The following POPDC3 variants were observed in gnomAD, a reference collection of about 807,000 sequenced individuals.
POPDC3 encodes popeye domain cAMP effector 3, also known as popeye domain-containing protein 3.
POPDC3 carries 20 observed loss-of-function variants against 28.2 expected under a neutral mutation model. The observed-to-expected ratio is 0.71, with a 90% confidence interval of 0.50 to 1.03. The LOEUF is 1.03. Ranked by LOEUF, POPDC3 falls within the 50% of genes least tolerant of loss-of-function variation. The pLI is 0.00. For synonymous variants in POPDC3, 118 were observed against 124.1 expected, an observed-to-expected ratio of 0.95 and a Z score of 0.33; for missense variants, 316 against 345.9, an observed-to-expected ratio of 0.91 and a Z score of 0.69.
chr6:105,176,167 T>A (rs1262551074), intron 1 of POPDC3, among the ~76,000 whole-genome samples: 1 of 152,240 alleles, frequency 6.6e-6, no homozygotes. Context: ...AGAAAAACTT[T>A]AGATAAATTC....
intron 1 of POPDC3, among the ~76,000 whole-genome samples, chr6:105,172,478 C>A (rs990029959): frequency 1.3e-5 from 2 of 150,624 alleles, no homozygotes; most frequent in Non-Finnish European, 3.0e-5. Context: ...GTCAGTGTGG[C>A]GATTCCTCAG....
chr6:105,161,504 CCACTT>C lies in POPDC3; in HGVS notation c.401_405del (p.Glu134GlyfsTer18), dbSNP rs1467836268. 3.1e-6 allele frequency: 5 copies of C among 1,614,038 alleles called. No homozygotes were observed. The highest frequency in any genetic ancestry group is 1.7e-5 in the Admixed American group (1 of 59,994). ...TAACAGTGTTCCTTTTCCAAAGTAA[CCACTT>C]CAGAGCTCAAAGCAATCGTTCTGAA... On this transcript the variant is annotated frameshift_variant, in exon 2 of 4. Transcript: ENST00000254765. LOFTEE classifies it high-confidence loss of function.
intron 1 of POPDC3, chr6:105,169,290 T>C (rs1281532749): frequency 1.3e-5 from 2 of 152,172 alleles, no homozygotes; most frequent in Non-Finnish European, 2.9e-5. Context: ...AATCATTCCT[T>C]GATAGAACCT....
At chr6:105,179,367 C>A (rs1459216198) in intron 1 of POPDC3, among the ~76,000 whole-genome samples, 2 of 152,106 alleles carry the variant, frequency 1.3e-5, no homozygotes, top group Non-Finnish European at 2.9e-5. Context: ...AAGGAAACTC[C>A]CGGCGCTGGC....
chr6:105,174,307 AG>A, intron 1 of POPDC3, among the ~76,000 whole-genome samples: 1 of 152,294 alleles, frequency 6.6e-6, no homozygotes, highest in South Asian at 2.1e-4. Context: ...CCAAAGTGCT[AG>A]AATTACAGGC....
At chr6:105,166,774 A>G (rs1039612325) in intron 1 of POPDC3, 2 of 339,418 alleles carry the variant, frequency 5.9e-6, no homozygotes, top group Non-Finnish European at 1.2e-5. Context: ...CATACTGACC[A>G]TTATGTATAT....
intron 2 of POPDC3, 101 bp downstream of exon 2, chr6:105,161,324 G>T: frequency 7.4e-7 from 1 of 1,347,602 alleles, no homozygotes; most frequent in East Asian, 2.3e-5. Flanking sequence ...GGTGCTAAAT[G>T]CCACCCAGGA....
At chr6:105,176,704 A>C (rs1331908665) in intron 1 of POPDC3, among the ~76,000 whole-genome samples, 1 of 151,852 alleles carries the variant, frequency 6.6e-6, no homozygotes, top group Non-Finnish European at 1.5e-5. Flanking sequence ...CTGCAGGCGC[A>C]CGCAACCACG....
At chr6:105,164,411 G>A (rs1395831630) in intron 1 of POPDC3, among the ~76,000 whole-genome samples, 2 of 152,228 alleles carry the variant, frequency 1.3e-5, no homozygotes, top group South Asian at 2.1e-4. Flanking sequence ...AATCTACTTC[G>A]TTTCATTCAG....
chr6:105,179,810 C>T, intron 1 of POPDC3, 23 bp downstream of exon 1: 1 of 152,308 alleles, frequency 6.6e-6, no homozygotes, highest in Non-Finnish European at 1.5e-5. Flanking sequence ...GCGGACGCAG[C>T]GCCCCCGGGC....
intron 1 of POPDC3, among the ~76,000 whole-genome samples, chr6:105,178,424 C>T (rs1774719556): frequency 6.6e-6 from 1 of 152,124 alleles, no homozygotes; most frequent in Admixed American, 6.5e-5. Flanking sequence ...GCAGAAGATG[C>T]ACCATGATTC....
At chr6:105,176,706 G>A (rs932701820) in intron 1 of POPDC3, among the ~76,000 whole-genome samples, 29 of 152,062 alleles carry the variant, frequency 1.9e-4, no homozygotes, top group African/African-American at 6.0e-4. Context: ...GCAGGCGCAC[G>A]CAACCACGCC....
rs1361751767 is a variant in POPDC3 at position 105,157,940 on chromosome 6, C to T, written c.*530G>A. On this transcript the variant is annotated 3_prime_UTR_variant, in exon 4 of 4. Transcript: ENST00000254765. The stretch of plus-strand genomic sequence containing the variant: ...ATTTTATTTGTAGCAATAAAATAGG[C>T]TTCAAGATTCACATATTATTATCTC... 2.0e-5 allele frequency among the ~76,000 whole-genome samples: 3 copies of T among 152,224 alleles called. No individual in the cohort carries two copies. The highest frequency in any genetic ancestry group is 4.4e-5 in the Non-Finnish European group (3 of 68,046).
At chr6:105,165,621 AAC>A (rs535671153) in intron 1 of POPDC3, among the ~76,000 whole-genome samples, 16 of 152,350 alleles carry the variant, frequency 1.1e-4, no homozygotes, top group Non-Finnish European at 2.4e-4. Flanking sequence ...TAAGTGCAAA[AAC>A]ACAGAGGAGC....
chr6:105,174,996 A>T (rs1176308794), intron 1 of POPDC3, among the ~76,000 whole-genome samples: 1 of 151,584 alleles, frequency 6.6e-6, no homozygotes, highest in Non-Finnish European at 1.5e-5. Context: ...GTGAAACCCC[A>T]TCTCTACTAA....
chr6:105,165,991 C>G (rs535485227), intron 1 of POPDC3, among the ~76,000 whole-genome samples: 1 of 152,266 alleles, frequency 6.6e-6, no homozygotes, highest in African/African-American at 2.4e-5. Context: ...GAGGAAAGTA[C>G]TATTATCTCC....
At chr6:105,160,124 T>C (rs77163984) in intron 2 of POPDC3, 6,405 of 176,026 alleles carry the variant, frequency 0.036, 159 homozygotes, top group Non-Finnish European at 0.057. Flanking sequence ...AATAAAACAT[T>C]TTAATGGACT....
chr6:105,171,700 A>C (rs1252684848), intron 1 of POPDC3, among the ~76,000 whole-genome samples: 2 of 151,458 alleles, frequency 1.3e-5, no homozygotes, highest in Non-Finnish European at 2.9e-5. Context: ...TATTATTATT[A>C]ATTAAAAACC....
intron 1 of POPDC3, 42 bp downstream of exon 1, chr6:105,179,791 C>T (rs1383811025): frequency 6.6e-6 from 1 of 152,164 alleles, no homozygotes; most frequent in African/African-American, 2.4e-5. Flanking sequence ...CGGACAGCAC[C>T]GGAAGGCGGC....
Sources: allele counts gnomAD v4.1 joint callset (sites outside exome capture counted in the v4.1 genomes callset), GRCh38; gene constraint gnomAD v4.1.1; transcripts MANE v1.5; gene names NCBI Gene and HGNC (gene_info 2026-07-23, HGNC 2026-07-21).